MYO18A: variants seen among roughly 807,000 people sequenced by gnomAD.
The protein encoded by MYO18A is myosin XVIIIA, also known as unconventional myosin-XVIIIa.
A neutral mutation model predicts 235.8 loss-of-function variants in MYO18A; 78 were observed. That is an observed-to-expected ratio of 0.33 (90% CI 0.28 to 0.40). MYO18A has a LOEUF of 0.40. Ranked by LOEUF, MYO18A falls within the 10% of genes least tolerant of loss-of-function variation. The pLI is 1.00. For synonymous variants in MYO18A, 977 were observed against 1,077.8 expected (o/e 0.91, Z 1.83); for missense variants, 2,215 against 2,699.3 (o/e 0.82, Z 3.98).
At position 29,166,998 on chromosome 17, in the gene MYO18A, G is replaced by A. The variant is rs2068300627; in HGVS notation, c.-58C>T. ...CAGAGGATTATGAGTGCTTAGCACAGGGCCTTGGTGCCCCACTTTGCTGCT... is the reference window on the plus strand; with the variant it reads ...CAGAGGATTATGAGTGCTTAGCACAAGGCCTTGGTGCCCCACTTTGCTGCT... On this transcript the variant is annotated 5_prime_UTR_variant, in exon 2 of 42. Coordinates refer to ENST00000527372, the MANE Select transcript of MYO18A (RefSeq NM_078471.4). 25 of 1,459,186 alleles carry A rather than the reference G, an allele frequency of 1.7e-5. No homozygotes were observed. In the South Asian group the frequency reaches 3.5e-4, roughly 21 times the overall value. The allele number at this position is 1,459,186 out of a possible 1,614,324, so 90.4% of individuals were successfully genotyped here.
At position 29,090,110 on chromosome 17, in the gene MYO18A, G is replaced by A. The variant is rs757021700; in HGVS notation, c.5389-12C>T. 1 of 1,608,846 alleles carries A rather than the reference G, an allele frequency of 6.2e-7. No individual in the cohort carries two copies. On this transcript the variant is annotated splice_polypyrimidine_tract_variant and intron_variant, in intron 36 of 41. Transcript: ENST00000527372. ...TGGAGGGCTTGTAGCTAGAGGTGGGGGACAGGAAGAGAAGAAAGAACTGAG... is the reference window on the plus strand; with the variant it reads ...TGGAGGGCTTGTAGCTAGAGGTGGGAGACAGGAAGAGAAGAAAGAACTGAG...
At chr17:29,090,647 A>G in intron 35 of MYO18A, 32 bp from the exon 36 acceptor site, 1 of 1,587,224 alleles carries the variant, frequency 6.3e-7, no homozygotes, top group Non-Finnish European at 8.6e-7. Context: ...CAGAAGCAGG[A>G]TCCCCCATAA....
At chr17:29,154,337 G>C (rs2068022665) in intron 2 of MYO18A, among the ~76,000 whole-genome samples, 1 of 152,102 alleles carries the variant, frequency 6.6e-6, no homozygotes, top group Non-Finnish European at 1.5e-5. Flanking sequence ...AGGGCATTTG[G>C]GGTGAGGTGG....
At position 29,080,123 on chromosome 17, in the gene MYO18A, G is replaced by C. The variant is rs575101202; in HGVS notation, c.6020+2193C>G. ...GACACATCAGCAGCAGAGGCGGAGC[G>C]GCGGATGCTGGCAGCTCGCTCCGGG... On this transcript the variant is annotated intron_variant, in intron 41 of 41. Transcript: ENST00000527372. The C allele has an allele frequency of 4.1e-6, 4 of 985,946 alleles. No individual in the cohort carries two copies. The South Asian group carries it at 1.4e-4, about 35-fold the overall frequency. The allele number at this position is 985,946 out of a possible 1,614,324, so 61.1% of individuals were successfully genotyped here.
chr17:29,149,735 C>CG (rs958194361), intron 2 of MYO18A, among the ~76,000 whole-genome samples: 2 of 152,202 alleles, frequency 1.3e-5, no homozygotes, highest in African/African-American at 4.8e-5. Context: ...TCATGGCCCC[C>CG]GGGGACTTCC....
rs759777331 is a variant in MYO18A, at chr17:29,074,848, G to A, written c.6087C>T (p.Asn2029=). The change falls in exon 42 of 42, where the codon AAC becomes AAT. Residue 2029 remains asparagine (N), a synonymous_variant. Transcript: ENST00000527372. This position sits in a 1 kb window ranked among gnomAD's most constrained non-coding sequence, Gnocchi z 4.4. The part of the protein sequence containing the change: ...RSDDEHDPLD[N]TSRPRYSHSY... ...TGTGGGAGTATCGCGGTCTGGAGGT[G>A]TTGTCGAGAGGGTCGTGCTCATCAT... The A allele has an allele frequency of 3.7e-6, 6 of 1,614,016 alleles. No individual in the cohort carries two copies. The highest frequency in any genetic ancestry group is 5.1e-6 in the Non-Finnish European group (6 of 1,179,900).
intron 41 of MYO18A, chr17:29,080,245 T>C: frequency 1.0e-6 from 1 of 985,964 alleles, no homozygotes; most frequent in Non-Finnish European, 1.2e-6. Flanking sequence ...AACAGGCTTG[T>C]AGCTCAAGAC....
chr17:29,134,946 G>T (rs552445274), intron 2 of MYO18A, among the ~76,000 whole-genome samples: 4 of 152,148 alleles, frequency 2.6e-5, no homozygotes, highest in African/African-American at 9.7e-5. Flanking sequence ...ATTACGTGGG[G>T]CAAGAGGCCC....
intron 22 of MYO18A, 109 bp from the exon 23 acceptor site, chr17:29,099,078 G>T: frequency 7.2e-7 from 1 of 1,385,864 alleles, no homozygotes. Flanking sequence ...TGCTCCTCTG[G>T]CCCCCTGACC....
At chr17:29,082,208 A>G in intron 41 of MYO18A, 108 bp downstream of exon 41, 1 of 1,467,146 alleles carries the variant, frequency 6.8e-7, no homozygotes, top group Non-Finnish European at 9.4e-7. Context: ...CGCAGTCACA[A>G]ATGCCAGACA....
intron 2 of MYO18A, among the ~76,000 whole-genome samples, chr17:29,165,155 G>A (rs780322296): frequency 6.6e-6 from 1 of 152,206 alleles, no homozygotes; most frequent in African/African-American, 2.4e-5. Context: ...GGCAAGAGGA[G>A]GCTCTGGCCT....
In MYO18A at chr17:29,120,685, G is replaced by A. The variant is rs369611650; in HGVS notation, c.1659C>T (p.Ala553=). The part of the protein sequence containing the change: ...GNSPTIINGN[A]TRFSQILSLD... Reference sequence around the variant, plus strand: ...GGGAGAGGATCTGGGAGAAGCGGGTGGCATTGCCATTAATGATGGTGGGGC... The same window carrying A: ...GGGAGAGGATCTGGGAGAAGCGGGTAGCATTGCCATTAATGATGGTGGGGC... The change falls in exon 7 of 42, where the codon GCC becomes GCT. Residue 553 remains alanine (A), a synonymous_variant. Coordinates refer to ENST00000527372, the MANE Select transcript of MYO18A (RefSeq NM_078471.4). This position sits in a 1 kb window ranked among gnomAD's most constrained non-coding sequence, Gnocchi z 4.2. 6.5e-5 allele frequency: 105 copies of A among 1,614,010 alleles called. No homozygotes were observed. Among genetic ancestry groups the A allele is most frequent in the East Asian group, 4.2e-4 (19 of 44,890 alleles).
At chr17:29,094,548 A>G (rs1160176024) in intron 30 of MYO18A, 102 bp downstream of exon 30, 3 of 1,201,522 alleles carry the variant, frequency 2.5e-6, no homozygotes, top group Non-Finnish European at 3.6e-6. Context: ...GAATACGCGA[A>G]TGAATGGAGG....
chr17:29,115,557 T>A, intron 12 of MYO18A, 107 bp downstream of exon 12: 1 of 1,475,662 alleles, frequency 6.8e-7, no homozygotes, highest in Non-Finnish European at 9.1e-7. Flanking sequence ...CCTCTGCCAC[T>A]GACAGAGCAT....
rs2067131981 is a variant in MYO18A, at chr17:29,118,733, G to C, written c.1830-293C>G. Among the ~76,000 whole-genome samples the C allele has an allele frequency of 6.6e-6, 1 of 152,284 alleles. No individual in the cohort carries two copies. The highest frequency in any genetic ancestry group is 2.1e-4 in the South Asian group (1 of 4,838). On this transcript the variant is annotated intron_variant, in intron 8 of 41. Transcript: ENST00000527372. The surrounding 1 kb of genome is among the most constrained non-coding windows in gnomAD (Gnocchi z 4.2). ...CCGAAGGGTGAGTCCCGCCAAGGCA[G>C]AGACGATGCCCTCAGTTACAAGAAG...
At chr17:29,172,344 A>G (rs999835817) in intron 1 of MYO18A, among the ~76,000 whole-genome samples, 1 of 152,160 alleles carries the variant, frequency 6.6e-6, no homozygotes, top group African/African-American at 2.4e-5. Flanking sequence ...ATGCGCCTGT[A>G]ATCCCAGCTA....
At chr17:29,178,325 C>A (rs1321561411) in intron 1 of MYO18A, among the ~76,000 whole-genome samples, 1 of 152,166 alleles carries the variant, frequency 6.6e-6, no homozygotes, top group Non-Finnish European at 1.5e-5. Flanking sequence ...AGCTACCAGG[C>A]ACCAGGTCAT....
At chr17:29,119,872 GT>G (rs1349743800) in intron 7 of MYO18A, among the ~76,000 whole-genome samples, 2 of 150,574 alleles carry the variant, frequency 1.3e-5, no homozygotes, top group Non-Finnish European at 3.0e-5. Flanking sequence ...CCTGCATCTT[GT>G]TTTTTAAGTC....
intron 2 of MYO18A, among the ~76,000 whole-genome samples, chr17:29,156,431 C>G (rs1161809243): frequency 2.0e-5 from 3 of 152,220 alleles, no homozygotes; most frequent in Admixed American, 6.5e-5. Context: ...GCCCACAGAG[C>G]TGCCTCTCCT....
Sources: gnomAD v4.1 joint callset for allele counts (sites outside exome capture counted in the v4.1 genomes callset) on GRCh38, gnomAD v4.1.1 for gene constraint, Gnocchi (gnomAD v3.1) non-coding constraint, MANE v1.5 for transcripts, NCBI Gene and HGNC (gene_info 2026-07-23, HGNC 2026-07-21) for gene names.